Variants in ALPK2 observed in about 807,000 individuals in gnomAD.
The protein encoded by ALPK2 is alpha-protein kinase 2.
In ALPK2, 127 loss-of-function variants were observed where a neutral mutation model predicts 163.1. That is an observed-to-expected ratio of 0.78 (90% confidence interval 0.67 to 0.90). The LOEUF is 0.90. ALPK2 is among the 40% of genes least tolerant of loss of function. ALPK2 has a pLI of 0.00. For missense variants in ALPK2, 2,360 were observed against 2,589.6 expected, an observed-to-expected ratio of 0.91 and a Z score of 1.92; for synonymous variants, 953 against 959.1, an observed-to-expected ratio of 0.99 and a Z score of 0.12.
At chr18:58,599,873 A>G (rs917292586) in intron 3 of ALPK2, among the ~76,000 whole-genome samples, 1 of 152,142 alleles carries the variant, frequency 6.6e-6, no homozygotes, top group African/African-American at 2.4e-5. Context: ...GCCCAGGATG[A>G]TACAGCTTAT....
chr18:58,579,214 C>T lies in ALPK2; in HGVS notation c.1562G>A (p.Gly521Glu). 6.2e-7 allele frequency: 1 copy of T among 1,614,108 alleles called. No homozygotes were observed. The highest frequency in any genetic ancestry group is 8.5e-7 in the Non-Finnish European group (1 of 1,179,984). Reference sequence around the variant, plus strand: ...CCTCTTGCTCCATAAGTCCTTTCCCCCCACTCTCTTGTCAGCTGCCGTCTC... The same window carrying T: ...CCTCTTGCTCCATAAGTCCTTTCCCTCCACTCTCTTGTCAGCTGCCGTCTC... The part of the protein sequence containing the change: ...CWETAADKRV[G>E]GKDLWSKRGS... The change falls in exon 4 of 13, where the codon GGG (glycine) becomes GAG (glutamate). Residue 521 changes from glycine to glutamate, a missense_variant. Physicochemically the swap from Gly to Glu is moderately conservative, Grantham distance 98 (BLOSUM62 -2). Transcript: ENST00000361673.
rs1602200412 is a variant in ALPK2 at position 58,524,202 on chromosome 18, G to A, written c.5502-140C>T. The A allele has an allele frequency of 9.4e-6, 11 of 1,171,104 alleles. No homozygotes were observed. The East Asian group carries it at 1.0e-4, about 11-fold the overall frequency. 72.5% of individuals were successfully genotyped at this position (1,171,104 alleles called of 1,614,324 possible). On this transcript the variant is annotated intron_variant, in intron 6 of 12. Coordinates refer to ENST00000361673, the MANE Select transcript of ALPK2 (RefSeq NM_052947.4). Reference sequence around the variant, plus strand: ...TGAGCTGCCCAAAGGGCAAAATCACGATCAGCTGTTTAAATAATTGATTTA... The same window carrying A: ...TGAGCTGCCCAAAGGGCAAAATCACAATCAGCTGTTTAAATAATTGATTTA...
intron 10 of ALPK2, among the ~76,000 whole-genome samples, chr18:58,508,884 T>C (rs1213918124): frequency 1.5e-5 from 1 of 67,098 alleles, no homozygotes; most frequent in Non-Finnish European, 3.4e-5. Context: ...TAATAAACTC[T>C]TTTTTTTTTT....
Position 58,537,923 on chromosome 18 carries a change from A to G in ALPK2, c.2264T>C (p.Val755Ala). Residue 755 changes from valine (V) to alanine (A), a missense_variant, in exon 5 of 13, where the codon GTG becomes GCG. Physicochemically the swap from Val to Ala is moderately conservative, Grantham distance 64 (BLOSUM62 0). Coordinates refer to ENST00000361673, the MANE Select transcript of ALPK2 (RefSeq NM_052947.4). ...ATCCTTGGGGAGATGCCTTGAGAAC[A>G]CACCTGGGGACATAGTCTCATCATT... ...EANDETMSPG[V>A]FSRHLPKDAR... 6.2e-7 allele frequency: 1 copy of G among 1,614,184 alleles called. No individual in the cohort carries two copies. The highest frequency in any genetic ancestry group is 8.5e-7 in the Non-Finnish European group (1 of 1,180,028).
chr18:58,537,637 A>G lies in ALPK2; in HGVS notation c.2550T>C (p.Ser850=). The G allele has an allele frequency of 6.2e-7, 1 of 1,613,508 alleles. No homozygotes were observed. Among genetic ancestry groups the G allele is most frequent in the Non-Finnish European group, 8.5e-7 (1 of 1,179,474 alleles). Residue 850 remains serine, a synonymous_variant, in exon 5 of 13, where the codon TCT becomes TCC. Coordinates refer to ENST00000361673, the MANE Select transcript of ALPK2 (RefSeq NM_052947.4). ...TCTTGTCATTAGAAGAACATAAATC[A>G]GATACTTTGTTTTGACCTTCTGCCA... is the stretch of plus-strand genomic sequence containing the variant. ...TELAEGQNKV[S]DLCSSNDKTL...
chr18:58,538,321 T>A, intron 4 of ALPK2, 97 bp from the exon 5 acceptor site: 1 of 1,029,288 alleles, frequency 9.7e-7, no homozygotes, highest in Non-Finnish European at 1.4e-6. Context: ...TCAATGACCG[T>A]AATAATGGAC....
At position 58,524,164 on chromosome 18, in the gene ALPK2, T is replaced by C. The variant is rs1181893484; in HGVS notation, c.5502-102A>G. On this transcript the variant is annotated intron_variant, in intron 6 of 12. Coordinates refer to ENST00000361673, the MANE Select transcript of ALPK2 (RefSeq NM_052947.4). ...AGAAGCTAAGACTTCCCTGCTCACA[T>C]GTTTTCAGCCAGTGAGCTGCCCAAA... 7 of 1,466,864 alleles carry C rather than the reference T, an allele frequency of 4.8e-6. No individual in the cohort carries two copies. The Admixed American group carries it at 1.7e-4, about 35-fold the overall frequency. 90.9% of individuals were successfully genotyped at this position (1,466,864 alleles called of 1,614,324 possible).
chr18:58,549,677 A>G (rs546578749), intron 4 of ALPK2, among the ~76,000 whole-genome samples: 5 of 152,342 alleles, frequency 3.3e-5, no homozygotes, highest in East Asian at 3.9e-4. Flanking sequence ...TGGGCCCCCA[A>G]TCAGGGATGT....
chr18:58,518,447 C>T (rs2144127543), intron 8 of ALPK2, among the ~76,000 whole-genome samples: 1 of 152,198 alleles, frequency 6.6e-6, no homozygotes, highest in Non-Finnish European at 1.5e-5. Context: ...TAAAGGTGCT[C>T]CTAGCATTTT....
intron 12 of ALPK2, among the ~76,000 whole-genome samples, chr18:58,487,472 T>A (rs550638623): frequency 3.7e-4 from 57 of 152,292 alleles, no homozygotes; most frequent in African/African-American, 1.2e-3. Context: ...TCAATTTCTA[T>A]CACTGTGAGG....
intron 4 of ALPK2, chr18:58,543,281 T>C: frequency 2.3e-6 from 2 of 852,352 alleles, no homozygotes; most frequent in Non-Finnish European, 1.4e-6. Flanking sequence ...ACATTTCTTT[T>C]CTTTATAAAT....
rs1208376702 is a variant in ALPK2 at position 58,538,161 on chromosome 18, G to C, written c.2026C>G (p.Pro676Ala). ...SCSQMPAFSE[P>A]AGEESPFTGT... ...GTGAATGGGGACTCCTCCCCAGCAG[G>C]CTCTGAGAAAGCTGGCATCTGGCTG... Residue 676 changes from proline to alanine, a missense_variant, in exon 5 of 13, where the codon CCT becomes GCT. Coordinates refer to ENST00000361673, the MANE Select transcript of ALPK2 (RefSeq NM_052947.4). 1 of 1,613,730 alleles carries C rather than the reference G, an allele frequency of 6.2e-7. No individual in the cohort carries two copies.
intron 4 of ALPK2, among the ~76,000 whole-genome samples, chr18:58,556,480 G>C (rs187704934): frequency 6.6e-6 from 1 of 152,248 alleles, no homozygotes; most frequent in Admixed American, 6.5e-5. Context: ...ATAATGAAAT[G>C]AGCCAGCCGC....
chr18:58,566,140 T>G (rs866061287), intron 4 of ALPK2, among the ~76,000 whole-genome samples: 1 of 152,130 alleles, frequency 6.6e-6, no homozygotes, highest in Non-Finnish European at 1.5e-5. Flanking sequence ...TTTGAAAAAT[T>G]TTTTCAGTAC....
intron 1 of ALPK2, among the ~76,000 whole-genome samples, chr18:58,625,314 T>C (rs972092206): frequency 6.6e-6 from 1 of 152,214 alleles, no homozygotes; most frequent in Admixed American, 6.5e-5. Context: ...GGTTAACCTT[T>C]TATGTTTACA....
intron 10 of ALPK2, among the ~76,000 whole-genome samples, chr18:58,512,707 GTGTA>G (rs1291567202): frequency 6.8e-6 from 1 of 147,720 alleles, no homozygotes; most frequent in Non-Finnish European, 1.5e-5. Context: ...TGGTGTGTAT[GTGTA>G]TGTGTGTATT....
intron 4 of ALPK2, chr18:58,577,906 AAG>A (rs2051930490): frequency 6.6e-6 from 1 of 152,190 alleles, no homozygotes; most frequent in Non-Finnish European, 1.5e-5. Context: ...AATTGGGAAA[AAG>A]GGGAATACAA....
intron 4 of ALPK2, among the ~76,000 whole-genome samples, chr18:58,543,922 G>T (rs2051704312): frequency 6.6e-6 from 1 of 152,140 alleles, no homozygotes. Context: ...CAAGGGCTGG[G>T]AACTTCCCCT....
intron 1 of ALPK2, among the ~76,000 whole-genome samples, chr18:58,619,015 G>T (rs1048849306): frequency 1.3e-5 from 2 of 152,176 alleles, no homozygotes; most frequent in African/African-American, 4.8e-5. Context: ...TAATCCAATG[G>T]CAATTGTCTT....
Sources: allele counts gnomAD v4.1 joint callset (sites outside exome capture counted in the v4.1 genomes callset), GRCh38; gene constraint gnomAD v4.1.1; transcripts MANE v1.5; gene names NCBI Gene and HGNC (gene_info 2026-07-23, HGNC 2026-07-21).